Variants in MCTP1 observed in about 807,000 individuals in gnomAD.
MCTP1 encodes the protein multiple C2 and transmembrane domain containing 1.
A neutral mutation model predicts 120.6 loss-of-function variants in MCTP1; 69 were observed. The observed-to-expected ratio is 0.57, with a 90% CI of 0.47 to 0.70. MCTP1 has a LOEUF of 0.70. MCTP1 is among the 30% of genes least tolerant of loss of function. The pLI is 0.00. For synonymous variants in MCTP1, 529 were observed against 493.1 expected, an observed-to-expected ratio of 1.07 and a Z score of -0.96; for missense variants, 1,203 against 1,248.8, an observed-to-expected ratio of 0.96 and a Z score of 0.55.
At chr5:94,811,565 G>A (rs967439645) in intron 17 of MCTP1, among the ~76,000 whole-genome samples, 2 of 152,114 alleles carry the variant, frequency 1.3e-5, no homozygotes, top group Admixed American at 1.3e-4. Flanking sequence ...AACCAAACCC[G>A]ACTTTTTCAG....
At chr5:95,188,990 T>TA (rs967559327) in intron 1 of MCTP1, among the ~76,000 whole-genome samples, 46 of 152,214 alleles carry the variant, frequency 3.0e-4, no homozygotes, top group African/African-American at 1.1e-3. Flanking sequence ...CACGTGAATC[T>TA]AAAAAATCTC....
chr5:95,033,188 A>G (rs934576612), intron 1 of MCTP1, among the ~76,000 whole-genome samples: 1 of 152,104 alleles, frequency 6.6e-6, no homozygotes, highest in African/African-American at 2.4e-5. Flanking sequence ...CTATTCCATA[A>G]AATTGAGTAG....
At chr5:94,767,826 T>G (rs1313607062) in intron 19 of MCTP1, among the ~76,000 whole-genome samples, 1 of 152,208 alleles carries the variant, frequency 6.6e-6, no homozygotes, top group Non-Finnish European at 1.5e-5. Context: ...ATGACTATAC[T>G]ACACAAAGCA....
At chr5:94,839,398 T>C (rs113226938) in intron 17 of MCTP1, among the ~76,000 whole-genome samples, 140 of 152,262 alleles carry the variant, frequency 9.2e-4, no homozygotes, top group African/African-American at 3.3e-3. Context: ...GTATTTTCCC[T>C]GCTCTCAAGT....
At chr5:95,185,423 GAAATCAT>G (rs1484065539) in intron 1 of MCTP1, among the ~76,000 whole-genome samples, 3 of 152,156 alleles carry the variant, frequency 2.0e-5, no homozygotes, top group Non-Finnish European at 4.4e-5. Context: ...TTAGAGATGA[GAAATCAT>G]ATCAATTGGC....
At chr5:94,948,097 T>C (rs1819570393) in intron 3 of MCTP1, among the ~76,000 whole-genome samples, 1 of 152,096 alleles carries the variant, frequency 6.6e-6, no homozygotes, top group South Asian at 2.1e-4. Flanking sequence ...GTCATAGAAG[T>C]GACATTGTAA....
At chr5:94,846,923 CCAGCATCAG>C (rs879313653) in intron 17 of MCTP1, among the ~76,000 whole-genome samples, 12 of 151,946 alleles carry the variant, frequency 7.9e-5, no homozygotes, top group Non-Finnish European at 1.6e-4. Flanking sequence ...GTTCCATGGA[CCAGCATCAG>C]CAGCATCACT....
At position 94,868,443 on chromosome 5, in the gene MCTP1, T is replaced by C; in HGVS notation, c.2326A>G (p.Arg776Gly). Reference sequence around the variant, plus strand: ...CAACGTTTCATTCTGATAAAGTTTCTTAGTAGCAGCTGTAAGGAAAATGAA... The same window carrying C: ...CAACGTTTCATTCTGATAAAGTTTCCTAGTAGCAGCTGTAAGGAAAATGAA... ...ENRLSKQLLL[R>G]NFIRMKRCVM... Residue 776 changes from arginine (R) to glycine (G), a missense_variant, in exon 17 of 23, where the codon AGA becomes GGA. By Grantham distance (125) the Arg-to-Gly change is moderately radical. Around this residue, in one of 2 missense-constraint regions of MCTP1, gnomAD observed 740 missense variants for 871.1 expected, o/e 0.85. Transcript: ENST00000515393. 1 of 1,600,758 alleles carries C rather than the reference T, an allele frequency of 6.2e-7. No individual in the cohort carries two copies. Among genetic ancestry groups the C allele is most frequent in the Non-Finnish European group, 8.5e-7 (1 of 1,174,190 alleles).
At chr5:94,901,966 A>G (rs1805666100) in intron 10 of MCTP1, among the ~76,000 whole-genome samples, 1 of 152,196 alleles carries the variant, frequency 6.6e-6, no homozygotes, top group Non-Finnish European at 1.5e-5. Flanking sequence ...CATACATCAC[A>G]TAGGCCTCAA....
chr5:95,111,854 T>C (rs930613840), intron 1 of MCTP1, among the ~76,000 whole-genome samples: 1 of 152,166 alleles, frequency 6.6e-6, no homozygotes, highest in Non-Finnish European at 1.5e-5. Context: ...CTGATGGATG[T>C]AATGTCTCTC....
At chr5:95,095,792 C>T (rs1204789188) in intron 1 of MCTP1, among the ~76,000 whole-genome samples, 1 of 152,132 alleles carries the variant, frequency 6.6e-6, no homozygotes, top group Non-Finnish European at 1.5e-5. Context: ...GACTGAAGTA[C>T]ATGACTCAAT....
chr5:95,117,181 G>C (rs112050043), intron 1 of MCTP1, among the ~76,000 whole-genome samples: 7,891 of 152,048 alleles, frequency 0.052, 268 homozygotes, highest in Non-Finnish European at 0.078. Flanking sequence ...ACGAGGTCAG[G>C]AGATCAAGAC....
At chr5:95,175,991 G>T (rs1189848580) in intron 1 of MCTP1, among the ~76,000 whole-genome samples, 1 of 152,172 alleles carries the variant, frequency 6.6e-6, no homozygotes, top group African/African-American at 2.4e-5. Context: ...TGAAAGGCAA[G>T]AAATCTGGCT....
intron 17 of MCTP1, among the ~76,000 whole-genome samples, chr5:94,810,725 T>C (rs569081702): frequency 1.1e-4 from 16 of 152,292 alleles, no homozygotes; most frequent in African/African-American, 3.6e-4. Context: ...TTTGGTAGCA[T>C]TCTGACTTTT....
rs527586454 is a variant in MCTP1 at position 95,098,669 on chromosome 5, T to C, written c.721-81185A>G. 2.2e-4 allele frequency among the ~76,000 whole-genome samples: 33 copies of C among 151,894 alleles called. 2 individuals carry two copies. In the South Asian group the frequency reaches 6.3e-3, roughly 29 times the overall value. On this transcript the variant is annotated intron_variant, in intron 1 of 22. Transcript: ENST00000515393. ...ATTCCATGCTCATGGGTAGGAAGAA[T>C]CAATATCGTGAAAATGGCCATACTG... is the stretch of plus-strand genomic sequence containing the variant.
At chr5:94,962,213 A>G (rs1436257641) in intron 2 of MCTP1, among the ~76,000 whole-genome samples, 1 of 152,118 alleles carries the variant, frequency 6.6e-6, no homozygotes, top group African/African-American at 2.4e-5. Context: ...AAACTAGTAC[A>G]ACCACTATGG....
intron 18 of MCTP1, among the ~76,000 whole-genome samples, chr5:94,789,969 G>A (rs973235772): frequency 2.0e-5 from 3 of 152,074 alleles, no homozygotes; most frequent in East Asian, 1.9e-4. Context: ...AAAATGGTCC[G>A]AGCCATTTTG....
chr5:94,886,383 A>G (rs924251008), intron 12 of MCTP1, among the ~76,000 whole-genome samples: 2 of 152,214 alleles, frequency 1.3e-5, no homozygotes, highest in African/African-American at 4.8e-5. Flanking sequence ...TCCTGTGCTC[A>G]TGTCTAATGA....
chr5:95,078,031 TATCCATCC>T (rs1011387309), intron 1 of MCTP1, among the ~76,000 whole-genome samples: 1 of 139,460 alleles, frequency 7.2e-6, no homozygotes, highest in African/African-American at 2.6e-5. Context: ...ATCATCCATC[TATCCATCC>T]ATCCATCCAT....
Sources: allele counts gnomAD v4.1 joint callset (sites outside exome capture counted in the v4.1 genomes callset), GRCh38; gene constraint gnomAD v4.1.1; regional missense constraint gnomAD v4.1.1; transcripts MANE v1.5; gene names NCBI Gene and HGNC (gene_info 2026-07-23, HGNC 2026-07-21).